Variants in SYN3 observed in about 807,000 individuals in gnomAD.
SYN3 encodes the protein synapsin III.
In SYN3, 35 loss-of-function variants were observed where a neutral mutation model predicts 65.8. The ratio of observed to expected loss-of-function variants is 0.53; its 90% CI spans 0.41 to 0.70. The LOEUF (loss-of-function observed/expected upper bound fraction) is 0.70. Among genes scored for constraint, SYN3 ranks in the 30% least tolerant of loss-of-function variants. The pLI is 0.00. For synonymous variants in SYN3, 270 were observed against 292.9 expected (o/e 0.92, Z 0.80); for missense variants, 680 against 749.0 (o/e 0.91, Z 1.08).
intron 7 of SYN3, among the ~76,000 whole-genome samples, chr22:32,563,221 G>T (rs772823078): frequency 4.6e-5 from 7 of 152,238 alleles, no homozygotes; most frequent in Admixed American, 2.0e-4. Context: ...TCCAGGCAGG[G>T]CCTGGCATGT....
At chr22:32,648,472 A>G (rs749363637) in intron 6 of SYN3, among the ~76,000 whole-genome samples, 2 of 152,228 alleles carry the variant, frequency 1.3e-5, no homozygotes, top group African/African-American at 2.4e-5. Context: ...TATGGTAAAA[A>G]TTGTAAAGGT....
intron 1 of SYN3, among the ~76,000 whole-genome samples, chr22:33,028,547 A>C (rs936012060): frequency 2.6e-5 from 4 of 152,086 alleles, no homozygotes; most frequent in Admixed American, 6.6e-5. Flanking sequence ...TCCAGTCTCC[A>C]GGCTGGATGA....
intron 7 of SYN3, among the ~76,000 whole-genome samples, chr22:32,568,715 G>A (rs1056299958): frequency 6.6e-6 from 1 of 152,162 alleles, no homozygotes; most frequent in Non-Finnish European, 1.5e-5. Flanking sequence ...TCACCTTGGG[G>A]GGTAGGACTT....
intron 6 of SYN3, among the ~76,000 whole-genome samples, chr22:32,663,437 T>C (rs2060246317): frequency 6.6e-6 from 1 of 151,866 alleles, no homozygotes; most frequent in South Asian, 2.1e-4. Flanking sequence ...TAGCTGGGAG[T>C]ATAGGCACCC....
intron 6 of SYN3, among the ~76,000 whole-genome samples, chr22:32,750,464 T>C (rs891712184): frequency 4.6e-5 from 7 of 152,150 alleles, no homozygotes; most frequent in East Asian, 1.9e-4. Context: ...TTCTGCATCA[T>C]GGGGATGAGG....
intron 6 of SYN3, among the ~76,000 whole-genome samples, chr22:32,666,616 G>A (rs1320289601): frequency 6.6e-6 from 1 of 152,046 alleles, no homozygotes; most frequent in Non-Finnish European, 1.5e-5. Context: ...GCCTTCTCTG[G>A]TCACCTTGTT....
chr22:32,600,686 T>C (rs938679798), intron 6 of SYN3, among the ~76,000 whole-genome samples: 1 of 119,270 alleles, frequency 8.4e-6, no homozygotes, highest in Non-Finnish European at 1.6e-5. Context: ...TTATGCAACT[T>C]AATATGATTT....
chr22:32,599,515 G>T (rs1247964438), intron 6 of SYN3, among the ~76,000 whole-genome samples: 1 of 151,988 alleles, frequency 6.6e-6, no homozygotes, highest in East Asian at 1.9e-4. Context: ...TACAGATGGG[G>T]TTTCACTGTG....
intron 3 of SYN3, chr22:32,947,584 A>G: frequency 6.6e-6 from 1 of 152,242 alleles, no homozygotes; most frequent in East Asian, 1.9e-4. Flanking sequence ...ACAGGTGAGA[A>G]TAGGGCTATG....
intron 5 of SYN3, among the ~76,000 whole-genome samples, chr22:32,866,468 G>C (rs1212080727): frequency 6.6e-6 from 1 of 152,190 alleles, no homozygotes; most frequent in East Asian, 1.9e-4. Flanking sequence ...CCGCAGGTAA[G>C]CACATGAGTT....
chr22:32,950,404 C>G (rs1000655005), intron 3 of SYN3, among the ~76,000 whole-genome samples: 16 of 152,128 alleles, frequency 1.1e-4, no homozygotes, highest in African/African-American at 3.9e-4. Context: ...CATTCTGCCT[C>G]TCTGTAGCTA....
At chr22:32,710,645 A>AAAAAAAAAAAAAAG (rs1555931894) in intron 6 of SYN3, among the ~76,000 whole-genome samples, 36 of 126,984 alleles carry the variant, frequency 2.8e-4, no homozygotes, top group African/African-American at 1.3e-3. Context: ...AAAAAAAAAA[A>AAAAAAAAAAAAAAG]AAAGAAAGAA....
intron 6 of SYN3, among the ~76,000 whole-genome samples, chr22:32,807,433 A>AAT (rs1284839519): frequency 7.7e-6 from 1 of 129,176 alleles, no homozygotes; most frequent in South Asian, 2.3e-4. Context: ...TTATATATAT[A>AAT]ATATATATAT....
At chr22:32,561,714 G>A (rs1389897135) in intron 7 of SYN3, among the ~76,000 whole-genome samples, 4 of 152,224 alleles carry the variant, frequency 2.6e-5, no homozygotes, top group Non-Finnish European at 5.9e-5. Flanking sequence ...GTGTGGACCA[G>A]TCCATTCTTC....
At chr22:32,866,102 G>A (rs1360449010) in intron 5 of SYN3, among the ~76,000 whole-genome samples, 2 of 152,188 alleles carry the variant, frequency 1.3e-5, no homozygotes, top group African/African-American at 4.8e-5. Context: ...GAAGGTGAAG[G>A]AGAGCTGCTG....
At chr22:32,611,948 T>C (rs1170838695) in intron 6 of SYN3, among the ~76,000 whole-genome samples, 1 of 152,164 alleles carries the variant, frequency 6.6e-6, no homozygotes, top group Non-Finnish European at 1.5e-5. Context: ...GGGATAGAGA[T>C]TGAACTAATA....
At chr22:32,561,038 C>T (rs926703301) in intron 7 of SYN3, among the ~76,000 whole-genome samples, 5 of 152,164 alleles carry the variant, frequency 3.3e-5, no homozygotes, top group African/African-American at 9.7e-5. Flanking sequence ...CCTCCTCAGC[C>T]CACCCACAAA....
intron 3 of SYN3, among the ~76,000 whole-genome samples, chr22:32,949,530 A>G (rs1233903578): frequency 6.6e-6 from 1 of 152,104 alleles, no homozygotes; most frequent in Non-Finnish European, 1.5e-5. Flanking sequence ...TTTCAGGAAC[A>G]CGCCCACACA....
intron 4 of SYN3, among the ~76,000 whole-genome samples, chr22:32,875,552 C>G (rs1056762867): frequency 1.3e-5 from 2 of 152,098 alleles, no homozygotes; most frequent in Non-Finnish European, 2.9e-5. Context: ...AAAATAGGGC[C>G]TTTGCAAATA....
Sources: gnomAD v4.1 joint callset for allele counts (sites outside exome capture counted in the v4.1 genomes callset) on GRCh38, gnomAD v4.1.1 for gene constraint, MANE v1.5 for transcripts, NCBI Gene and HGNC (gene_info 2026-07-23, HGNC 2026-07-21) for gene names.